The following PCDH9 variants were observed in gnomAD, a reference collection of about 807,000 sequenced individuals.
The protein encoded by PCDH9 is protocadherin-9.
PCDH9 carries 24 observed loss-of-function variants against 70.6 expected under a neutral mutation model. The ratio of observed to expected loss-of-function variants is 0.34; its 90% CI spans 0.25 to 0.48. The LOEUF is 0.48. Ranked by LOEUF, PCDH9 falls within the 20% of genes least tolerant of loss-of-function variation. The probability of loss-of-function intolerance (pLI) is 0.99; values close to 1 mark genes in which losing one functional copy is unlikely to be tolerated. For missense variants in PCDH9, 1,281 were observed against 1,503.6 expected (o/e 0.85, Z 2.45); for synonymous variants, 562 against 558.5 (o/e 1.01, Z -0.09).
intron 2 of PCDH9, among the ~76,000 whole-genome samples, chr13:66,988,771 AT>A (rs1174068069): frequency 1.3e-5 from 2 of 152,006 alleles, no homozygotes; most frequent in Non-Finnish European, 2.9e-5. Context: ...GTCTAGAACT[AT>A]TAGATGACTT....
At chr13:66,618,568 TA>T (rs756185383) in intron 4 of PCDH9, among the ~76,000 whole-genome samples, 1 of 152,210 alleles carries the variant, frequency 6.6e-6, no homozygotes, top group Non-Finnish European at 1.5e-5. Flanking sequence ...ATATTCTTTA[TA>T]ATTAGTAATT....
chr13:66,497,128 C>T lies in PCDH9; in HGVS notation c.3340+134082G>A, dbSNP rs1050637184. On this transcript the variant is annotated intron_variant, in intron 4 of 4. Coordinates refer to ENST00000377865, the MANE Select transcript of PCDH9 (RefSeq NM_203487.3). ...TGTTGCCCAGGCTGAAGTGTAATGG[C>T]GGGATCTTGGCTCACTGCAACCTCC... 3.3e-5 allele frequency among the ~76,000 whole-genome samples: 5 copies of T among 151,654 alleles called. 1 individual carries two copies. Among genetic ancestry groups the T allele is most frequent in the East Asian group, 1.9e-4 (1 of 5,172 alleles).
At chr13:67,099,604 C>T (rs918817432) in intron 2 of PCDH9, among the ~76,000 whole-genome samples, 2 of 151,958 alleles carry the variant, frequency 1.3e-5, no homozygotes, top group South Asian at 2.1e-4. Flanking sequence ...CTGACTAGAC[C>T]GCACAGTGGG....
At chr13:66,712,866 C>T (rs564175817) in intron 3 of PCDH9, among the ~76,000 whole-genome samples, 2 of 152,190 alleles carry the variant, frequency 1.3e-5, no homozygotes, top group Admixed American at 6.5e-5. Flanking sequence ...CCAAATTCAG[C>T]CCTCAATGAC....
chr13:67,092,387 TG>T (rs138670910), intron 2 of PCDH9, among the ~76,000 whole-genome samples: 15,254 of 152,200 alleles, frequency 0.1, 838 homozygotes, highest in South Asian at 0.14. Context: ...TTCAATAACA[TG>T]TTTTTTTTAT....
At chr13:66,438,160 G>A (rs1957909034) in intron 4 of PCDH9, among the ~76,000 whole-genome samples, 1 of 151,808 alleles carries the variant, frequency 6.6e-6, no homozygotes, top group Admixed American at 6.6e-5. Flanking sequence ...TTTGAAACCG[G>A]GAGGTAGAGG....
chr13:66,942,993 G>A (rs559526619), intron 2 of PCDH9, among the ~76,000 whole-genome samples: 9 of 148,674 alleles, frequency 6.1e-5, no homozygotes, highest in Admixed American at 1.3e-4. Flanking sequence ...TTATTAACAC[G>A]AAACCTGAGG....
chr13:66,983,098 G>C (rs2083809472), intron 2 of PCDH9, among the ~76,000 whole-genome samples: 1 of 152,122 alleles, frequency 6.6e-6, no homozygotes. Flanking sequence ...TCAAATAGAA[G>C]AATAGCTAAT....
intron 4 of PCDH9, among the ~76,000 whole-genome samples, chr13:66,434,801 A>G (rs1377043783): frequency 6.6e-6 from 1 of 152,116 alleles, no homozygotes; most frequent in East Asian, 1.9e-4. Flanking sequence ...AAATTTCCAT[A>G]ATATGCAGGC....
chr13:66,768,236 T>C (rs1002520158), intron 3 of PCDH9, among the ~76,000 whole-genome samples: 2 of 151,762 alleles, frequency 1.3e-5, no homozygotes, highest in African/African-American at 2.4e-5. Context: ...CAATAGTTGA[T>C]CAAATCAAAG....
At chr13:66,511,009 C>T (rs1959444726) in intron 4 of PCDH9, among the ~76,000 whole-genome samples, 1 of 152,102 alleles carries the variant, frequency 6.6e-6, no homozygotes, top group Non-Finnish European at 1.5e-5. Context: ...GTTTCCTTTG[C>T]TCACTGAAGA....
intron 4 of PCDH9, among the ~76,000 whole-genome samples, chr13:66,453,303 T>C (rs34567825): frequency 0.23 from 34,820 of 152,010 alleles, 4,141 homozygotes; most frequent in East Asian, 0.3. Context: ...GACTCCACTC[T>C]TTCAAAAATC....
intron 2 of PCDH9, among the ~76,000 whole-genome samples, chr13:67,132,698 TAA>T (rs66901806): frequency 2.0e-5 from 3 of 151,510 alleles, no homozygotes; most frequent in African/African-American, 4.9e-5. Context: ...AACATAGCAT[TAA>T]AAAAAATAAC....
chr13:67,095,178 C>T (rs2086295372), intron 2 of PCDH9, among the ~76,000 whole-genome samples: 3 of 151,932 alleles, frequency 2.0e-5, no homozygotes, highest in African/African-American at 2.4e-5. Context: ...GTTATTCAAC[C>T]GACTGTTACT....
At chr13:66,355,719 A>C (rs1956371838) in intron 4 of PCDH9, among the ~76,000 whole-genome samples, 1 of 152,146 alleles carries the variant, frequency 6.6e-6, no homozygotes, top group Non-Finnish European at 1.5e-5. Flanking sequence ...TTATGTATTG[A>C]TTGTTTGATG....
chr13:66,809,854 G>C (rs190444692), intron 3 of PCDH9, among the ~76,000 whole-genome samples: 12 of 152,160 alleles, frequency 7.9e-5, no homozygotes, highest in African/African-American at 2.9e-4. Context: ...GATCAACATA[G>C]GATCAAAAGC....
intron 2 of PCDH9, chr13:66,991,172 T>C (rs1037279577): frequency 1.3e-5 from 2 of 152,080 alleles, no homozygotes; most frequent in African/African-American, 2.4e-5. Flanking sequence ...CTTATCTCTA[T>C]ATATGACAGG....
intron 4 of PCDH9, among the ~76,000 whole-genome samples, chr13:66,483,415 A>G (rs897450353): frequency 6.6e-6 from 1 of 152,184 alleles, no homozygotes; most frequent in African/African-American, 2.4e-5. Context: ...CACCTTCACC[A>G]ATACAACAAT....
At chr13:66,459,467 T>C (rs1004878321) in intron 4 of PCDH9, among the ~76,000 whole-genome samples, 2 of 151,992 alleles carry the variant, frequency 1.3e-5, no homozygotes, top group African/African-American at 4.8e-5. Flanking sequence ...TTTTAAAAAG[T>C]TGTGTTTTTT....
Sources: gnomAD v4.1 joint callset for allele counts (sites outside exome capture counted in the v4.1 genomes callset) on GRCh38, gnomAD v4.1.1 for gene constraint, MANE v1.5 for transcripts, NCBI Gene and HGNC (gene_info 2026-07-23, HGNC 2026-07-21) for gene names.